MIR2052HG: variants seen among roughly 807,000 people sequenced by gnomAD.
The protein encoded by MIR2052HG is MIR2052 host gene.
intron 4 of MIR2052HG, among the ~76,000 whole-genome samples, chr8:74,751,454 A>C (rs1563546605): frequency 6.6e-6 from 1 of 152,226 alleles, no homozygotes; most frequent in Non-Finnish European, 1.5e-5. Context: ...ATTCAACAGC[A>C]TGTTAAATAA....
At chr8:74,718,873 C>T (rs1809546201) in intron 4 of MIR2052HG, among the ~76,000 whole-genome samples, 1 of 152,074 alleles carries the variant, frequency 6.6e-6, no homozygotes, top group South Asian at 2.1e-4. Flanking sequence ...TCTCAAAGGC[C>T]CCATCTCCTA....
chr8:74,742,079 G>T (rs1021875169), intron 4 of MIR2052HG, among the ~76,000 whole-genome samples: 9 of 152,128 alleles, frequency 5.9e-5, no homozygotes, highest in Admixed American at 2.6e-4. Flanking sequence ...GAAGCTCCAA[G>T]GGGTGAGGAT....
chr8:74,603,233 G>A (rs1808050833), intron 1 of MIR2052HG: 1 of 1,275,600 alleles, frequency 7.8e-7, no homozygotes, highest in Admixed American at 1.7e-5. Flanking sequence ...CTACACAGAT[G>A]GATCATGGGT....
intron 4 of MIR2052HG, among the ~76,000 whole-genome samples, chr8:74,727,023 C>T (rs1809644160): frequency 1.3e-5 from 2 of 152,126 alleles, no homozygotes; most frequent in Non-Finnish European, 2.9e-5. Flanking sequence ...GAAAAAATCC[C>T]GTCTGTACAG....
chr8:74,606,853 A>G (rs1808118807), intron 1 of MIR2052HG, among the ~76,000 whole-genome samples: 1 of 152,212 alleles, frequency 6.6e-6, no homozygotes, highest in South Asian at 2.1e-4. Flanking sequence ...TAAATCCTAA[A>G]GCAAACATTA....
At chr8:74,698,649 A>G (rs1240578198) in intron 2 of MIR2052HG, among the ~76,000 whole-genome samples, 2 of 152,216 alleles carry the variant, frequency 1.3e-5, no homozygotes, top group Non-Finnish European at 2.9e-5. Context: ...AGGAACTCAA[A>G]CAAATCAGCA....
chr8:74,696,859 A>T (rs1286540731), intron 2 of MIR2052HG, among the ~76,000 whole-genome samples: 1 of 152,072 alleles, frequency 6.6e-6, no homozygotes, highest in Non-Finnish European at 1.5e-5. Context: ...GTCCAGGACC[A>T]GATGGTTTCA....
chr8:74,623,673 C>T (rs1808397859), intron 2 of MIR2052HG, among the ~76,000 whole-genome samples: 2 of 152,154 alleles, frequency 1.3e-5, no homozygotes, highest in South Asian at 4.1e-4. Flanking sequence ...ATACTCTGAA[C>T]ACGCTAAGTA....
chr8:74,647,837 A>C (rs1392561414), intron 2 of MIR2052HG, among the ~76,000 whole-genome samples: 3 of 152,134 alleles, frequency 2.0e-5, no homozygotes, highest in Non-Finnish European at 2.9e-5. Context: ...TAAATTGTGA[A>C]TATTTCAGGG....
At chr8:74,666,788 A>T (rs1008192021) in intron 2 of MIR2052HG, among the ~76,000 whole-genome samples, 3 of 152,320 alleles carry the variant, frequency 2.0e-5, no homozygotes, top group Admixed American at 6.5e-5. Flanking sequence ...ATTCTTGGTC[A>T]CAGTAGGTAT....
At chr8:74,673,910 T>TATATATATATATATATATATACACACAC (rs1485340799) in intron 2 of MIR2052HG, among the ~76,000 whole-genome samples, 3 of 133,232 alleles carry the variant, frequency 2.3e-5, no homozygotes, top group African/African-American at 1.0e-4. Flanking sequence ...TATATATATA[T>TATATATATATATATATATATACACACAC]ACACACACAA....
intron 4 of MIR2052HG, among the ~76,000 whole-genome samples, chr8:74,730,979 C>T (rs1355699768): frequency 6.6e-6 from 1 of 152,122 alleles, no homozygotes; most frequent in Non-Finnish European, 1.5e-5. Flanking sequence ...AGAAATGGCA[C>T]ACAATGTGGG....
In MIR2052HG at chr8:74,686,275, A is replaced by T. The variant is rs1039124374; in HGVS notation, n.217-16104A>T. On this transcript the variant is annotated intron_variant and non_coding_transcript_variant, in intron 2 of 6. Coordinates refer to ENST00000523442, the Ensembl canonical transcript of MIR2052HG. ...TCTCCCTAGTCTAATTCTGATCCTCACTACCTTATTCTTGACATCGACTCT... is the reference window on the plus strand; with the variant it reads ...TCTCCCTAGTCTAATTCTGATCCTCTCTACCTTATTCTTGACATCGACTCT... 4.6e-5 allele frequency among the ~76,000 whole-genome samples: 7 copies of T among 151,966 alleles called. 1 individual carries two copies. In the South Asian group the frequency reaches 6.2e-4, roughly 14 times the overall value.
chr8:74,652,028 G>A (rs1454736889), intron 2 of MIR2052HG, among the ~76,000 whole-genome samples: 3 of 152,104 alleles, frequency 2.0e-5, no homozygotes, highest in African/African-American at 7.2e-5. Context: ...TTTCTCAGTC[G>A]ACTTAGAACC....
intron 2 of MIR2052HG, among the ~76,000 whole-genome samples, chr8:74,676,681 A>T (rs538327456): frequency 4.6e-5 from 7 of 152,046 alleles, no homozygotes; most frequent in African/African-American, 1.7e-4. Flanking sequence ...TAAAAATAAA[A>T]AATATGAGAA....
At chr8:74,610,760 G>A (rs985540821) in intron 1 of MIR2052HG, among the ~76,000 whole-genome samples, 1 of 151,930 alleles carries the variant, frequency 6.6e-6, no homozygotes, top group African/African-American at 2.4e-5. Context: ...TAATGTTGCT[G>A]TAACAATTGA....
At chr8:74,680,848 T>C (rs1474624690) in intron 2 of MIR2052HG, among the ~76,000 whole-genome samples, 1 of 150,868 alleles carries the variant, frequency 6.6e-6, no homozygotes, top group Admixed American at 6.6e-5. Flanking sequence ...ATTAAGAAAA[T>C]GTGGCACATA....
At chr8:74,667,005 C>T (rs1198914832) in intron 2 of MIR2052HG, among the ~76,000 whole-genome samples, 2 of 152,178 alleles carry the variant, frequency 1.3e-5, no homozygotes, top group Non-Finnish European at 2.9e-5. Flanking sequence ...CTTTCCTCTT[C>T]ATGTGATCTC....
chr8:74,754,818 T>C (rs10504584), intron 5 of MIR2052HG, among the ~76,000 whole-genome samples: 15,491 of 152,228 alleles, frequency 0.1, 1,766 homozygotes, highest in African/African-American at 0.28. Flanking sequence ...TTTGTCCCAT[T>C]GTACCTGCCT....
Sources: gnomAD v4.1 joint callset for allele counts (sites outside exome capture counted in the v4.1 genomes callset) on GRCh38, gnomAD v4.1.1 for gene constraint, MANE v1.5 for transcripts, NCBI Gene and HGNC (gene_info 2026-07-23, HGNC 2026-07-21) for gene names.